Variants in PITPNM2 observed in about 807,000 individuals in gnomAD.
PITPNM2 encodes the protein phosphatidylinositol transfer protein membrane associated 2.
A neutral mutation model predicts 132.2 loss-of-function variants in PITPNM2; 35 were observed. That is an observed-to-expected ratio of 0.26 (90% CI 0.20 to 0.35). The LOEUF (loss-of-function observed/expected upper bound fraction) is 0.35, where lower values mean the gene tolerates loss of function less well. Among genes scored for constraint, PITPNM2 ranks in the 10% least tolerant of loss-of-function variants. The pLI is 1.00. For synonymous variants in PITPNM2, 738 were observed against 799.2 expected (o/e 0.92, Z 1.29); for missense variants, 1,332 against 1,912.0 (o/e 0.70, Z 5.66).
chr12:123,105,845 G>C (rs1281972744), intron 2 of PITPNM2, among the ~76,000 whole-genome samples: 3 of 152,176 alleles, frequency 2.0e-5, no homozygotes, highest in Non-Finnish European at 4.4e-5. Flanking sequence ...AAGGTGGTGA[G>C]AAAGAGTTTC....
intron 1 of PITPNM2, among the ~76,000 whole-genome samples, chr12:123,122,943 G>GGAGT (rs1424048088): frequency 1.3e-5 from 2 of 152,052 alleles, no homozygotes; most frequent in Non-Finnish European, 2.9e-5. Context: ...AGTGTAAATT[G>GGAGT]GTACTACCTT....
intron 2 of PITPNM2, among the ~76,000 whole-genome samples, chr12:123,044,789 A>G (rs975221448): frequency 1.3e-5 from 2 of 151,954 alleles, no homozygotes; most frequent in African/African-American, 4.8e-5. Flanking sequence ...CTTTTTTATC[A>G]TTAATTTTTT....
intron 3 of PITPNM2, among the ~76,000 whole-genome samples, chr12:123,028,008 C>T (rs771858934): frequency 7.9e-5 from 12 of 152,332 alleles, no homozygotes; most frequent in African/African-American, 1.4e-4. Context: ...AACAGTGCTG[C>T]GGTACTGTTT....
At position 123,095,179 on chromosome 12, in the gene PITPNM2, G is replaced by C. The variant is rs1593010243; in HGVS notation, c.-96+15206C>G. Among the ~76,000 whole-genome samples the C allele has an allele frequency of 6.6e-6, 1 of 152,142 alleles. No homozygotes were observed. Among genetic ancestry groups the C allele is most frequent in the African/African-American group, 2.4e-5 (1 of 41,436 alleles). On this transcript the variant is annotated intron_variant, in intron 2 of 25. Transcript: ENST00000320201. This position sits in a 1 kb window ranked among gnomAD's most constrained non-coding sequence, Gnocchi z 5.0. ...ATTCAGGGCTTGGAACGTGGTGAGG[G>C]GGCCCAGGGGAATGGGCTGCTCCCC...
At chr12:123,096,153 CA>C (rs1287005021) in intron 2 of PITPNM2, among the ~76,000 whole-genome samples, 1 of 152,236 alleles carries the variant, frequency 6.6e-6, no homozygotes. Context: ...GGAATTGGGA[CA>C]GGGGGACAGA....
intron 3 of PITPNM2, chr12:123,021,552 G>A: frequency 1.5e-6 from 1 of 663,990 alleles, no homozygotes. Flanking sequence ...TGGGATTACA[G>A]GAGTAAGCCT....
intron 1 of PITPNM2, among the ~76,000 whole-genome samples, chr12:123,142,944 T>A (rs11057167): frequency 0.02 from 3,089 of 150,756 alleles, 41 homozygotes; most frequent in Non-Finnish European, 0.032. Context: ...AGCACTTAAA[T>A]GGGCCCTTCA....
At chr12:122,999,065 C>G (rs1227778864) in intron 10 of PITPNM2, among the ~76,000 whole-genome samples, 3 of 151,040 alleles carry the variant, frequency 2.0e-5, no homozygotes, top group Admixed American at 1.3e-4. Flanking sequence ...GAGCCAAGAT[C>G]GTGCCACTGC....
At chr12:123,019,217 T>C (rs1022232533) in intron 3 of PITPNM2, among the ~76,000 whole-genome samples, 1 of 152,200 alleles carries the variant, frequency 6.6e-6, no homozygotes, top group South Asian at 2.1e-4. Flanking sequence ...GTATGAATTA[T>C]AGCTCAAGTA....
chr12:123,028,470 C>G (rs1046545570), intron 3 of PITPNM2, among the ~76,000 whole-genome samples: 1 of 152,214 alleles, frequency 6.6e-6, no homozygotes, highest in African/African-American at 2.4e-5. Flanking sequence ...GAAGGCCTAT[C>G]CATCTTGGGA....
intron 3 of PITPNM2, among the ~76,000 whole-genome samples, chr12:123,033,331 C>T (rs2040157934): frequency 6.6e-6 from 1 of 152,146 alleles, no homozygotes; most frequent in Non-Finnish European, 1.5e-5. Flanking sequence ...AGAAGGCCAG[C>T]AGGAGAGCTG....
chr12:123,037,292 T>C (rs534944747), intron 2 of PITPNM2, among the ~76,000 whole-genome samples: 3 of 152,224 alleles, frequency 2.0e-5, no homozygotes, highest in South Asian at 2.1e-4. Context: ...AGCTTTATGT[T>C]TGAGGGAAGT....
At position 123,036,443 on chromosome 12, in the gene PITPNM2, ATGCCAAGGCAGGTGGAC is replaced by A. The variant is rs903804446; in HGVS notation, c.-95-1775_-95-1759del. 1.3e-5 allele frequency among the ~76,000 whole-genome samples: 2 copies of A among 152,290 alleles called. No individual in the cohort carries two copies. Among genetic ancestry groups the A allele is most frequent in the East Asian group, 3.9e-4 (2 of 5,182 alleles). On this transcript the variant is annotated intron_variant, in intron 2 of 25. Transcript: ENST00000320201. This position sits in a 1 kb window ranked among gnomAD's most constrained non-coding sequence, Gnocchi z 4.1. ...CTCACATCCATCCTGGCATTATGGG[ATGCCAAGGCAGGTGGAC>A]TGCTTGAGGTCAAGCAAGCTCAAGA...
At chr12:123,040,773 G>A (rs920028708) in intron 2 of PITPNM2, among the ~76,000 whole-genome samples, 1 of 151,542 alleles carries the variant, frequency 6.6e-6, no homozygotes, top group Non-Finnish European at 1.5e-5. Context: ...AAAAGATCAC[G>A]TAGAACATGA....
chr12:123,126,215 A>T (rs1315029994), intron 1 of PITPNM2, among the ~76,000 whole-genome samples: 1 of 152,124 alleles, frequency 6.6e-6, no homozygotes, highest in Non-Finnish European at 1.5e-5. Context: ...CTAAAGAATC[A>T]GAAAGAAGAT....
intron 2 of PITPNM2, among the ~76,000 whole-genome samples, chr12:123,096,315 C>T (rs1461503441): frequency 2.6e-5 from 4 of 152,190 alleles, no homozygotes; most frequent in Admixed American, 6.5e-5. Context: ...TTAAATGAGG[C>T]CACAGAAGAG....
intron 2 of PITPNM2, among the ~76,000 whole-genome samples, chr12:123,105,961 G>A (rs1011706014): frequency 1.3e-5 from 2 of 152,186 alleles, no homozygotes; most frequent in Non-Finnish European, 2.9e-5. Flanking sequence ...AGGTAGGCCA[G>A]GCCAGCTTCC....
In PITPNM2 at chr12:123,005,663, G is replaced by C; in HGVS notation, c.644-115C>G. ...TTTGGGAGGCTGTACCCATGTTGCA[G>C]GTCAAACTAAAGTCACTGCCTGTCT... On this transcript the variant is annotated intron_variant, in intron 6 of 25. Transcript: ENST00000320201. This position sits in a 1 kb window ranked among gnomAD's most constrained non-coding sequence, Gnocchi z 6.2. 1 of 1,041,582 alleles carries C rather than the reference G, an allele frequency of 9.6e-7. No homozygotes were observed. Among genetic ancestry groups the C allele is most frequent in the South Asian group, 1.5e-5 (1 of 65,018 alleles). The allele number at this position is 1,041,582 out of a possible 1,614,324, so 64.5% of individuals were successfully genotyped here.
intron 3 of PITPNM2, among the ~76,000 whole-genome samples, chr12:123,020,418 G>T (rs2039620484): frequency 3.3e-5 from 5 of 152,158 alleles, no homozygotes; most frequent in Admixed American, 3.3e-4. Context: ...ACTGTGCCCG[G>T]CCATAAAAGG....
Sources: gnomAD v4.1 joint callset for allele counts (sites outside exome capture counted in the v4.1 genomes callset) on GRCh38, gnomAD v4.1.1 for gene constraint, Gnocchi (gnomAD v3.1) non-coding constraint, MANE v1.5 for transcripts, NCBI Gene and HGNC (gene_info 2026-07-23, HGNC 2026-07-21) for gene names.